The following LYPLAL1 variants were observed in gnomAD, a reference collection of about 807,000 sequenced individuals.
LYPLAL1 encodes the protein lysophospholipase-like protein 1.
A neutral mutation model predicts 19.7 loss-of-function variants in LYPLAL1; 23 were observed. That is an observed-to-expected ratio of 1.17 (90% CI 0.84 to 1.65). The LOEUF (loss-of-function observed/expected upper bound fraction) is 1.65, where lower values mean the gene tolerates loss of function less well. Ranked by LOEUF, LYPLAL1 falls within the 40% of genes most tolerant of loss-of-function variation. LYPLAL1 has a pLI of 0.00. For synonymous variants in LYPLAL1, 119 were observed against 96.3 expected, an observed-to-expected ratio of 1.24 and a Z score of -1.38; for missense variants, 355 against 279.4, an observed-to-expected ratio of 1.27 and a Z score of -1.93.
chr1:219,289,877 C>T, the LYPLAL1 span, among the ~76,000 whole-genome samples: 1 of 152,144 alleles, frequency 6.6e-6, no homozygotes. Flanking sequence ...TATTAATGCC[C>T]CTTGGCCACC....
the LYPLAL1 span, among the ~76,000 whole-genome samples, chr1:219,269,749 A>C: frequency 2.6e-5 from 4 of 152,204 alleles, no homozygotes; most frequent in Non-Finnish European, 5.9e-5. Flanking sequence ...TTTACAAGAC[A>C]TGTTGGCTAT....
chr1:219,345,174 C>A, the LYPLAL1 span, among the ~76,000 whole-genome samples: 4 of 152,054 alleles, frequency 2.6e-5, no homozygotes. Flanking sequence ...TATCAGGTAA[C>A]CATCACTTGT....
the LYPLAL1 span, among the ~76,000 whole-genome samples, chr1:219,406,528 A>G: frequency 6.6e-6 from 1 of 152,188 alleles, no homozygotes; most frequent in Admixed American, 6.5e-5. Flanking sequence ...AAACATTTAC[A>G]GTTTCTTTTT....
At chr1:219,298,994 T>C in the LYPLAL1 span, among the ~76,000 whole-genome samples, 1 of 152,204 alleles carries the variant, frequency 6.6e-6, no homozygotes, top group African/African-American at 2.4e-5. Context: ...AAATTCCAGA[T>C]AACTTTCACA....
Position 219,201,206 on chromosome 1 carries a change from A to G in LYPLAL1, c.361+7955A>G, listed in dbSNP as rs575783927. 2.6e-3 allele frequency among the ~76,000 whole-genome samples: 395 copies of G among 152,294 alleles called. 1 individual carries two copies. Among genetic ancestry groups the G allele is most frequent in the Non-Finnish European group, 4.7e-3 (319 of 68,016 alleles). On this transcript the variant is annotated intron_variant, in intron 3 of 4. Transcript: ENST00000366928. ...ATTTTCAATTCCATTATAGTTTGAC[A>G]TAAAAAAACTTTTAAAATCTTTTAT...
chr1:219,331,463 T>A, the LYPLAL1 span, among the ~76,000 whole-genome samples: 1 of 152,178 alleles, frequency 6.6e-6, no homozygotes, highest in Admixed American at 6.6e-5. Context: ...CTTTATATAT[T>A]TCTCATCTTC....
chr1:219,270,000 A>G, the LYPLAL1 span, among the ~76,000 whole-genome samples: 1 of 152,238 alleles, frequency 6.6e-6, no homozygotes, highest in Non-Finnish European at 1.5e-5. Context: ...TGAGAGTTCA[A>G]GTCCTACTGA....
At chr1:219,380,306 G>C in the LYPLAL1 span, among the ~76,000 whole-genome samples, 1 of 152,304 alleles carries the variant, frequency 6.6e-6, no homozygotes, top group South Asian at 2.1e-4. Flanking sequence ...TGGGTGGGAC[G>C]CTGTAAAAGG....
At chr1:219,413,906 T>G in the LYPLAL1 span, among the ~76,000 whole-genome samples, 1 of 152,240 alleles carries the variant, frequency 6.6e-6, no homozygotes, top group Non-Finnish European at 1.5e-5. Context: ...AACAAGTTTA[T>G]AGTATAATAT....
the LYPLAL1 span, among the ~76,000 whole-genome samples, chr1:219,291,128 T>C: frequency 6.6e-6 from 1 of 152,210 alleles, no homozygotes; most frequent in Non-Finnish European, 1.5e-5. Context: ...ATATAGCAAG[T>C]ATCAAATAAC....
chr1:219,299,156 T>C, the LYPLAL1 span, among the ~76,000 whole-genome samples: 1 of 125,866 alleles, frequency 7.9e-6, no homozygotes, highest in African/African-American at 2.9e-5. Context: ...TTTTTTTTTT[T>C]TGTCTTTTAA....
chr1:219,347,802 T>G, the LYPLAL1 span, among the ~76,000 whole-genome samples: 19 of 151,782 alleles, frequency 1.3e-4, no homozygotes, highest in Non-Finnish European at 7.4e-5. Flanking sequence ...GTCAATTGGG[T>G]GCATGAAGCA....
rs200373846 is a variant in LYPLAL1, at chr1:219,173,940, C to T, written c.50C>T (p.Ala17Val). ...SVLQRCIVSP[A>V]GRHSASLIFL... is the part of the protein sequence containing the mutation. ...CTGCAGCGCTGTATCGTGTCGCCGG[C>T]AGGGAGGCATAGCGCCTCTCTGATC... The change falls in exon 1 of 5, where the codon GCA (alanine) becomes GTA (valine). Residue 17 changes from alanine (A) to valine (V), a missense_variant. Physicochemically the swap from Ala to Val is moderately conservative, Grantham distance 64. Coordinates refer to ENST00000366928, the MANE Select transcript of LYPLAL1 (RefSeq NM_138794.5). 707 of 1,613,952 alleles carry T rather than the reference C, an allele frequency of 4.4e-4. 6 individuals are homozygous for T. The East Asian group carries it at 0.013, about 30-fold the overall frequency.
At chr1:219,436,040 C>T in the LYPLAL1 span, among the ~76,000 whole-genome samples, 1 of 152,160 alleles carries the variant, frequency 6.6e-6, no homozygotes, top group African/African-American at 2.4e-5. Context: ...TTACAAGAAG[C>T]TTCACACATA....
chr1:219,294,400 C>T, the LYPLAL1 span, among the ~76,000 whole-genome samples: 1 of 147,794 alleles, frequency 6.8e-6, no homozygotes, highest in African/African-American at 2.5e-5. Context: ...TTTCTTCTGA[C>T]TCAGTCTTCT....
the LYPLAL1 span, among the ~76,000 whole-genome samples, chr1:219,445,193 T>C: frequency 6.6e-6 from 1 of 152,074 alleles, no homozygotes; most frequent in African/African-American, 2.4e-5. Context: ...TTTTTAATAA[T>C]AAGTTTCCAT....
At chr1:219,278,627 TTTC>T in the LYPLAL1 span, among the ~76,000 whole-genome samples, 2 of 152,134 alleles carry the variant, frequency 1.3e-5, no homozygotes, top group Admixed American at 1.3e-4. Flanking sequence ...AGTGAAATTC[TTTC>T]TTATCTTTCT....
Position 219,184,795 on chromosome 1 carries a change from G to A in LYPLAL1, c.191+5549G>A, listed in dbSNP as rs144141518. ...TTCCTGGGATAAACCCTTTTGTAAT[G>A]TATTATCCTTTTTATATGTATCTAA... On this transcript the variant is annotated intron_variant, in intron 2 of 4. Coordinates refer to ENST00000366928, the MANE Select transcript of LYPLAL1 (RefSeq NM_138794.5). 6.3e-4 allele frequency among the ~76,000 whole-genome samples: 95 copies of A among 151,896 alleles called. 1 individual carries two copies. Among genetic ancestry groups the A allele is most frequent in the African/African-American group, 2.1e-3 (89 of 41,486 alleles).
chr1:219,322,331 CAGCAGTGT>C, the LYPLAL1 span, among the ~76,000 whole-genome samples: 4 of 152,114 alleles, frequency 2.6e-5, no homozygotes, highest in African/African-American at 9.7e-5. Flanking sequence ...GTAGGAGCTG[CAGCAGTGT>C]GATTAATATA....
Sources: allele counts gnomAD v4.1 joint callset (sites outside exome capture counted in the v4.1 genomes callset), GRCh38; gene constraint gnomAD v4.1.1; transcripts MANE v1.5; gene names NCBI Gene and HGNC (gene_info 2026-07-23, HGNC 2026-07-21).